The following MOB1B variants were observed in gnomAD, a reference collection of about 807,000 sequenced individuals.
MOB1B encodes MOB1 Mps One Binder homolog B.
Under a neutral mutation model 24.4 loss-of-function variants are expected in MOB1B, and 19 were observed. The observed-to-expected ratio is 0.78, with a 90% CI of 0.54 to 1.14. The LOEUF is 1.14. Among genes scored for constraint, MOB1B ranks in the 50% most tolerant of loss-of-function variants. The pLI, the probability that MOB1B is intolerant of heterozygous loss-of-function variation, is 0.00. For missense variants in MOB1B, 243 were observed against 259.6 expected, an observed-to-expected ratio of 0.94 and a Z score of 0.44; for synonymous variants, 76 against 82.1, an observed-to-expected ratio of 0.93 and a Z score of 0.40.
chr4:70,925,686 A>C (rs1041022994), intron 1 of MOB1B, among the ~76,000 whole-genome samples: 46 of 152,186 alleles, frequency 3.0e-4, no homozygotes, highest in Non-Finnish European at 7.3e-5. Context: ...TAAGATCCCT[A>C]GGTGATTTGA....
At chr4:70,945,271 G>A (rs1342185448) in intron 1 of MOB1B, among the ~76,000 whole-genome samples, 1 of 152,208 alleles carries the variant, frequency 6.6e-6, no homozygotes, top group Non-Finnish European at 1.5e-5. Context: ...ATGATGGAGA[G>A]GGAGTCAGAA....
At chr4:70,960,343 G>A (rs866717030) in intron 2 of MOB1B, among the ~76,000 whole-genome samples, 9 of 151,728 alleles carry the variant, frequency 5.9e-5, no homozygotes, top group African/African-American at 7.3e-5. Context: ...AAGCTTCAGC[G>A]TTTTTCAACA....
chr4:70,926,167 G>A (rs935033762), intron 1 of MOB1B, among the ~76,000 whole-genome samples: 2 of 151,868 alleles, frequency 1.3e-5, no homozygotes, highest in African/African-American at 4.8e-5. Flanking sequence ...TGTATCTTTT[G>A]TAGAGACAGG....
intron 1 of MOB1B, among the ~76,000 whole-genome samples, chr4:70,943,965 C>G (rs916852380): frequency 2.0e-5 from 3 of 151,722 alleles, no homozygotes; most frequent in Non-Finnish European, 4.4e-5. Flanking sequence ...TGAAAAAACA[C>G]AGATCACAAT....
rs1372547394 is a variant in MOB1B, at chr4:70,979,113, T to C, written c.410-15T>C. The C allele has an allele frequency of 1.2e-6, 2 of 1,606,124 alleles. No individual in the cohort carries two copies. Among genetic ancestry groups the C allele is most frequent in the East Asian group, 4.5e-5 (2 of 44,714 alleles). On this transcript the variant is annotated splice_polypyrimidine_tract_variant and intron_variant, in intron 4 of 5. Coordinates refer to ENST00000309395, the MANE Select transcript of MOB1B (RefSeq NM_173468.4). ...ATCTCTTGTTACTAGAGGGAGTTGT[T>C]TATCTCTTTTCTAGGTGTCCCGTTC...
At chr4:70,902,610 C>CCGCCCGCCGCCCGCCGCCCGT (rs1735558474) in intron 1 of MOB1B, 60 bp downstream of exon 1, 1 of 1,459,216 alleles carries the variant, frequency 6.9e-7, no homozygotes, top group African/African-American at 1.7e-5. Flanking sequence ...CCCCCGCCCG[C>CCGCCCGCCGCCCGCCGCCCGT]CGCCCGCCGC....
intron 2 of MOB1B, among the ~76,000 whole-genome samples, chr4:70,969,035 T>C (rs1434814812): frequency 1.3e-5 from 2 of 152,270 alleles, no homozygotes; most frequent in Non-Finnish European, 2.9e-5. Context: ...ATGTTTCATC[T>C]GTGTTTGCAT....
chr4:70,946,834 A>AGG (rs1374828645), intron 1 of MOB1B, among the ~76,000 whole-genome samples: 1 of 152,032 alleles, frequency 6.6e-6, no homozygotes, highest in Non-Finnish European at 1.5e-5. Flanking sequence ...AAAAAAAAGG[A>AGG]GGGAGGGTAG....
At chr4:70,929,182 C>CT (rs11362114) in intron 1 of MOB1B, among the ~76,000 whole-genome samples, 152 of 95,074 alleles carry the variant, frequency 1.6e-3, no homozygotes, top group African/African-American at 2.6e-3. Context: ...TTCTTTCTTT[C>CT]TTTTTTTTTT....
chr4:70,908,494 G>A (rs964363485), intron 1 of MOB1B, among the ~76,000 whole-genome samples: 1 of 151,638 alleles, frequency 6.6e-6, no homozygotes, highest in African/African-American at 2.4e-5. Flanking sequence ...AGCAATTTAG[G>A]CCGGGCACGG....
At chr4:70,905,429 G>T (rs77917546) in intron 1 of MOB1B, among the ~76,000 whole-genome samples, 4,704 of 149,964 alleles carry the variant, frequency 0.031, 108 homozygotes, top group Non-Finnish European at 0.048. Context: ...TTTTTTTTTC[G>T]GTAGAGTCAG....
chr4:70,981,106 C>T (rs1274273648), intron 5 of MOB1B, among the ~76,000 whole-genome samples: 1 of 152,134 alleles, frequency 6.6e-6, no homozygotes, highest in Non-Finnish European at 1.5e-5. Context: ...TAACAACATT[C>T]TAGCTTAATA....
chr4:70,910,630 A>C (rs901635054), intron 1 of MOB1B, among the ~76,000 whole-genome samples: 2 of 152,016 alleles, frequency 1.3e-5, no homozygotes, highest in African/African-American at 4.8e-5. Flanking sequence ...AAATTCATAT[A>C]ATATTTAAAT....
At chr4:70,939,836 A>G (rs1187009440) in intron 1 of MOB1B, among the ~76,000 whole-genome samples, 1 of 152,192 alleles carries the variant, frequency 6.6e-6, no homozygotes, top group Non-Finnish European at 1.5e-5. Context: ...GCCTTGGTGT[A>G]CAGAAGAATT....
rs967920615 is a variant in MOB1B at position 70,966,397 on chromosome 4, G to A, written c.182-3534G>A. ...CACTTTTTTTTTTTTTTTTTGAGGC[G>A]GAGTTTTGCTCTTGTTGCCCAGGCT... On this transcript the variant is annotated intron_variant, in intron 2 of 5. Coordinates refer to ENST00000309395, the MANE Select transcript of MOB1B (RefSeq NM_173468.4). Among the ~76,000 whole-genome samples the A allele has an allele frequency of 6.0e-5, 9 of 149,390 alleles. No homozygotes were observed. The East Asian group carries it at 1.2e-3, about 20-fold the overall frequency.
At chr4:70,947,440 G>GT (rs554466970) in intron 1 of MOB1B, among the ~76,000 whole-genome samples, 1 of 151,642 alleles carries the variant, frequency 6.6e-6, no homozygotes, top group Non-Finnish European at 1.5e-5. Flanking sequence ...AGTTGGCTAG[G>GT]TTTTTTTCCC....
chr4:70,933,767 G>A (rs1181418100), intron 1 of MOB1B, among the ~76,000 whole-genome samples: 1 of 151,990 alleles, frequency 6.6e-6, no homozygotes, highest in Non-Finnish European at 1.5e-5. Flanking sequence ...GGCCAGGCTG[G>A]TCTCAAACTC....
intron 1 of MOB1B, among the ~76,000 whole-genome samples, chr4:70,949,221 C>A (rs1369922113): frequency 2.6e-5 from 4 of 151,972 alleles, no homozygotes; most frequent in Non-Finnish European, 4.4e-5. Flanking sequence ...TTTTTCCAGC[C>A]GAGTTAAGGA....
At chr4:70,932,540 C>T (rs1487634941) in intron 1 of MOB1B, among the ~76,000 whole-genome samples, 2 of 152,184 alleles carry the variant, frequency 1.3e-5, no homozygotes, top group Admixed American at 1.3e-4. Flanking sequence ...ACTCTTGCAG[C>T]ATGCTGGTCT....
Sources: allele counts gnomAD v4.1 joint callset (sites outside exome capture counted in the v4.1 genomes callset), GRCh38; gene constraint gnomAD v4.1.1; transcripts MANE v1.5; gene names NCBI Gene and HGNC (gene_info 2026-07-23, HGNC 2026-07-21).